The following SORCS3 variants were observed in gnomAD, a reference collection of about 807,000 sequenced individuals.
SORCS3 encodes VPS10 domain-containing receptor SorCS3.
A neutral mutation model predicts 146.3 loss-of-function variants in SORCS3; 57 were observed. The observed-to-expected ratio is 0.39, with a 90% CI of 0.31 to 0.49. The LOEUF is 0.49. Ranked by LOEUF, SORCS3 falls within the 20% of genes least tolerant of loss-of-function variation. The probability of loss-of-function intolerance (pLI) is 0.92; values close to 1 mark genes in which losing one functional copy is unlikely to be tolerated. For missense variants in SORCS3, 1,341 were observed against 1,575.5 expected (o/e 0.85, Z 2.52); for synonymous variants, 653 against 618.5 (o/e 1.06, Z -0.83).
At chr10:104,866,148 G>A (rs1011210326) in intron 2 of SORCS3, among the ~76,000 whole-genome samples, 7 of 152,164 alleles carry the variant, frequency 4.6e-5, no homozygotes. Context: ...GTTTGACTTA[G>A]TTTTCATGTT....
chr10:105,141,358 C>G (rs2056094279), intron 8 of SORCS3, among the ~76,000 whole-genome samples: 1 of 152,130 alleles, frequency 6.6e-6, no homozygotes, highest in Non-Finnish European at 1.5e-5. Flanking sequence ...CCTTTATTAG[C>G]CAGTGCTGGC....
At chr10:104,879,867 TG>T (rs1392371599) in intron 2 of SORCS3, among the ~76,000 whole-genome samples, 10 of 152,186 alleles carry the variant, frequency 6.6e-5, no homozygotes, top group African/African-American at 2.2e-4. Flanking sequence ...ACAGAGGCCC[TG>T]GGTAGAATCA....
intron 1 of SORCS3, among the ~76,000 whole-genome samples, chr10:104,838,636 C>T (rs986614321): frequency 6.6e-6 from 1 of 152,114 alleles, no homozygotes; most frequent in Non-Finnish European, 1.5e-5. Context: ...ATACGTGTCC[C>T]ACTCCCTGCT....
chr10:104,868,281 A>G (rs2018481069), intron 2 of SORCS3, among the ~76,000 whole-genome samples: 1 of 152,226 alleles, frequency 6.6e-6, no homozygotes, highest in Non-Finnish European at 1.5e-5. Flanking sequence ...CAATATTAAC[A>G]CATCATTGAG....
At chr10:104,815,902 T>C (rs1172600066) in intron 1 of SORCS3, among the ~76,000 whole-genome samples, 1 of 152,206 alleles carries the variant, frequency 6.6e-6, no homozygotes, top group Admixed American at 6.5e-5. Context: ...TAGTTCCAGT[T>C]TTCAATTTGT....
At chr10:104,767,296 A>G (rs1675204076) in intron 1 of SORCS3, among the ~76,000 whole-genome samples, 1 of 152,186 alleles carries the variant, frequency 6.6e-6, no homozygotes, top group South Asian at 2.1e-4. Flanking sequence ...TGCTGCAGCA[A>G]TGGAAAAAAT....
chr10:105,163,921 C>CA (rs2056289723), intron 11 of SORCS3, among the ~76,000 whole-genome samples: 1 of 146,644 alleles, frequency 6.8e-6, no homozygotes, highest in African/African-American at 2.6e-5. Context: ...CACACACACA[C>CA]CAGTTTTTCT....
At chr10:104,932,928 G>T (rs2019222049) in intron 3 of SORCS3, among the ~76,000 whole-genome samples, 2 of 151,908 alleles carry the variant, frequency 1.3e-5, no homozygotes, top group South Asian at 4.2e-4. Context: ...ACAGGGTCTT[G>T]CTTTGTTCCC....
At chr10:104,642,022 G>GCCCA in intron 1 of SORCS3, 68 bp downstream of exon 1, 1 of 173,336 alleles carries the variant, frequency 5.8e-6, no homozygotes, top group East Asian at 1.5e-4. Context: ...GGGTGGGTGG[G>GCCCA]AGCGAGGGAC....
chr10:105,249,513 G>A (rs570497959), intron 22 of SORCS3, among the ~76,000 whole-genome samples: 2 of 152,128 alleles, frequency 1.3e-5, no homozygotes, highest in Non-Finnish European at 2.9e-5. Context: ...TGACATAGGA[G>A]CATTGCTGTA....
At chr10:105,245,697 T>G (rs775877610) in intron 21 of SORCS3, 32 bp downstream of exon 21, 1 of 1,609,498 alleles carries the variant, frequency 6.2e-7, no homozygotes, top group African/African-American at 1.3e-5. Context: ...GTGATGCTCC[T>G]TCCCGCTCAG....
At chr10:105,215,207 T>A (rs1333884848) in intron 18 of SORCS3, among the ~76,000 whole-genome samples, 1 of 152,240 alleles carries the variant, frequency 6.6e-6, no homozygotes, top group Non-Finnish European at 1.5e-5. Flanking sequence ...TCAGACTACA[T>A]ACATTGATTC....
intron 19 of SORCS3, among the ~76,000 whole-genome samples, chr10:105,222,801 C>T (rs1278065127): frequency 6.6e-6 from 1 of 152,202 alleles, no homozygotes; most frequent in Non-Finnish European, 1.5e-5. Context: ...TGTTTATCTT[C>T]CCATTTATTG....
intron 6 of SORCS3, among the ~76,000 whole-genome samples, chr10:105,092,086 G>C: frequency 6.6e-6 from 1 of 152,122 alleles, no homozygotes; most frequent in East Asian, 1.9e-4. Flanking sequence ...ATGCTGGACA[G>C]CTTCTTTAAA....
intron 1 of SORCS3, among the ~76,000 whole-genome samples, chr10:104,745,875 T>A (rs1374954858): frequency 2.0e-5 from 3 of 152,178 alleles, no homozygotes; most frequent in Non-Finnish European, 4.4e-5. Context: ...CATAATGTCC[T>A]CCAGGTTCTT....
intron 1 of SORCS3, among the ~76,000 whole-genome samples, chr10:104,822,501 G>A (rs1295242473): frequency 3.9e-5 from 6 of 152,180 alleles, no homozygotes; most frequent in Non-Finnish European, 7.4e-5. Flanking sequence ...TAGGCTACAT[G>A]AGAGAGGGCT....
At chr10:105,147,900 A>C in intron 9 of SORCS3, 104 bp downstream of exon 9, 1 of 939,214 alleles carries the variant, frequency 1.1e-6, no homozygotes, top group Non-Finnish European at 1.6e-6. Context: ...TTCCAGCTGT[A>C]CCACTTAGCA....
chr10:104,909,400 A>G lies in SORCS3; in HGVS notation c.696-6433A>G, dbSNP rs7909383. ...GCAACGCAGAAGTTGCTGAGAGGAAAGGAACAACCACAACTGTGGTTGTTT... is the reference window on the plus strand; with the variant it reads ...GCAACGCAGAAGTTGCTGAGAGGAAGGGAACAACCACAACTGTGGTTGTTT... On this transcript the variant is annotated intron_variant, in intron 2 of 26. Transcript: ENST00000369701. Among the ~76,000 whole-genome samples the G allele has an allele frequency of 4.0e-3, 613 of 152,260 alleles. 4 individuals are homozygous for G. Among genetic ancestry groups the G allele is most frequent in the African/African-American group, 0.014 (579 of 41,554 alleles).
chr10:104,672,997 T>C (rs550973381), intron 1 of SORCS3, among the ~76,000 whole-genome samples: 8 of 152,284 alleles, frequency 5.3e-5, no homozygotes, highest in Admixed American at 2.6e-4. Context: ...TATTAATGTA[T>C]ATTGTCCTTC....
Sources: allele counts gnomAD v4.1 joint callset (sites outside exome capture counted in the v4.1 genomes callset), GRCh38; gene constraint gnomAD v4.1.1; transcripts MANE v1.5; gene names NCBI Gene and HGNC (gene_info 2026-07-23, HGNC 2026-07-21).